Variants in CCSER1 observed in about 807,000 individuals in gnomAD.
The protein encoded by CCSER1 is coiled-coil serine rich protein 1, also known as serine-rich coiled-coil domain-containing protein 1.
CCSER1 carries 41 observed loss-of-function variants against 82.0 expected under a neutral mutation model. That is an observed-to-expected ratio of 0.50 (90% confidence interval 0.39 to 0.65). The LOEUF (loss-of-function observed/expected upper bound fraction) is 0.65, where lower values mean the gene tolerates loss of function less well. Among genes scored for constraint, CCSER1 ranks in the 30% least tolerant of loss-of-function variants. The pLI, the probability that CCSER1 is intolerant of heterozygous loss-of-function variation, is 0.00. For missense variants in CCSER1, 1,119 were observed against 1,064.2 expected, an observed-to-expected ratio of 1.05 and a Z score of -0.72; for synonymous variants, 414 against 383.9, an observed-to-expected ratio of 1.08 and a Z score of -0.92.
At chr4:90,945,329 T>C (rs1243525508) in intron 9 of CCSER1, among the ~76,000 whole-genome samples, 1 of 152,194 alleles carries the variant, frequency 6.6e-6, no homozygotes, top group Non-Finnish European at 1.5e-5. Flanking sequence ...CCTGATAGAA[T>C]AATAACACAT....
intron 9 of CCSER1, among the ~76,000 whole-genome samples, chr4:90,959,570 T>C (rs1472256895): frequency 2.0e-5 from 3 of 152,122 alleles, no homozygotes; most frequent in Admixed American, 6.6e-5. Context: ...TCTTATACCA[T>C]TTAATCCTAA....
rs55747744 is a variant in CCSER1, at chr4:91,173,593, C to CA, written c.2217+87625dup. Among the ~76,000 whole-genome samples, 675 of 104,612 alleles carry CA rather than the reference C, an allele frequency of 6.5e-3. 7 individuals carry two copies. The highest frequency in any genetic ancestry group is 0.014 in the East Asian group (50 of 3,534). The allele number at this position is 104,612 out of a possible 152,430, so 68.6% of individuals were successfully genotyped here. On this transcript the variant is annotated intron_variant, in intron 10 of 10. Transcript: ENST00000509176. ...TGGGCGACAGAGTGAGACTCCGTCT[C>CA]AAAAAAAAAAAAAAAAAAAAAAAAA...
At chr4:91,131,442 A>G (rs1727986998) in intron 10 of CCSER1, among the ~76,000 whole-genome samples, 1 of 151,744 alleles carries the variant, frequency 6.6e-6, no homozygotes, top group Admixed American at 6.6e-5. Context: ...CATTGCTTCA[A>G]TCAGGCTAAA....
chr4:91,058,831 T>C (rs567803522), intron 9 of CCSER1, among the ~76,000 whole-genome samples: 1 of 152,212 alleles, frequency 6.6e-6, no homozygotes, highest in South Asian at 2.1e-4. Context: ...ATATAGCTCT[T>C]ATGGAAGATC....
rs139505035 is a variant in CCSER1, at chr4:91,370,541, G to A, written c.2218-228031G>A. Among the ~76,000 whole-genome samples the A allele has an allele frequency of 2.4e-4, 37 of 151,748 alleles. No individual in the cohort carries two copies. In the East Asian group the frequency reaches 6.5e-3, roughly 27 times the overall value. On this transcript the variant is annotated intron_variant, in intron 10 of 10. Coordinates refer to ENST00000509176, the MANE Select transcript of CCSER1 (RefSeq NM_001145065.2). ...GAAACCCTGTCTCTACTAAAAATAT[G>A]AAAATTAGCCAGGCGTGGTAGCACA...
intron 10 of CCSER1, among the ~76,000 whole-genome samples, chr4:91,141,907 T>G (rs1010250594): frequency 6.6e-6 from 1 of 152,212 alleles, no homozygotes; most frequent in Admixed American, 6.5e-5. Context: ...GTTAGCTGCT[T>G]GCATGTCTTC....
At chr4:91,355,601 T>C (rs1486439283) in intron 10 of CCSER1, among the ~76,000 whole-genome samples, 1 of 152,212 alleles carries the variant, frequency 6.6e-6, no homozygotes, top group Non-Finnish European at 1.5e-5. Context: ...GTTCTCAGTC[T>C]GACGAAGGTT....
chr4:91,466,958 G>T (rs1229994833), intron 10 of CCSER1, among the ~76,000 whole-genome samples: 1 of 152,062 alleles, frequency 6.6e-6, no homozygotes, highest in Non-Finnish European at 1.5e-5. Context: ...CAATGCCATT[G>T]CCATCAAGCT....
intron 10 of CCSER1, among the ~76,000 whole-genome samples, chr4:91,174,518 A>C (rs1310830415): frequency 6.6e-6 from 1 of 152,142 alleles, no homozygotes; most frequent in Non-Finnish European, 1.5e-5. Flanking sequence ...ATAGGTATAC[A>C]TGTGCCATGG....
intron 10 of CCSER1, among the ~76,000 whole-genome samples, chr4:91,218,070 T>C (rs1737417280): frequency 6.6e-6 from 1 of 152,032 alleles, no homozygotes; most frequent in Non-Finnish European, 1.5e-5. Context: ...ATGGAGTGGG[T>C]GGGAGGCTCA....
chr4:91,398,517 T>C (rs1287146218), intron 10 of CCSER1, among the ~76,000 whole-genome samples: 1 of 151,830 alleles, frequency 6.6e-6, no homozygotes, highest in African/African-American at 2.4e-5. Context: ...TAATAAAAAA[T>C]AGATGAGACA....
intron 1 of CCSER1, among the ~76,000 whole-genome samples, chr4:90,223,119 C>G (rs1742469708): frequency 6.6e-6 from 1 of 152,144 alleles, no homozygotes; most frequent in African/African-American, 2.4e-5. Context: ...CTTCTGTTCC[C>G]CCATTCCTAA....
In CCSER1 at chr4:90,319,013, TAAG is replaced by T. The variant is rs535261938; in HGVS notation, c.1509+5971_1509+5973del. On this transcript the variant is annotated intron_variant, in intron 3 of 10. Transcript: ENST00000509176. ...GATTGTGAGCATCGAAATCCAAAGT[TAAG>T]AAGAGTTAAAATGGGCACATGAACT... Among the ~76,000 whole-genome samples the T allele has an allele frequency of 2.5e-3, 376 of 152,294 alleles. 2 individuals carry two copies. The highest frequency in any genetic ancestry group is 8.5e-3 in the African/African-American group (353 of 41,574).
intron 10 of CCSER1, among the ~76,000 whole-genome samples, chr4:91,241,653 G>A (rs968891374): frequency 6.6e-6 from 1 of 151,826 alleles, no homozygotes; most frequent in East Asian, 1.9e-4. Flanking sequence ...TATATATTTT[G>A]GTATAATTAC....
rs186865666 is a variant in CCSER1 at position 91,167,148 on chromosome 4, A to G, written c.2217+81154A>G. On this transcript the variant is annotated intron_variant, in intron 10 of 10. Coordinates refer to ENST00000509176, the MANE Select transcript of CCSER1 (RefSeq NM_001145065.2). Reference sequence around the variant, plus strand: ...TGTTTATTGTTTATCAGATTTGAATAAGTATAAAAATTAAATACATGACAA... The same window carrying G: ...TGTTTATTGTTTATCAGATTTGAATGAGTATAAAAATTAAATACATGACAA... Among the ~76,000 whole-genome samples, 4 of 151,678 alleles carry G rather than the reference A, an allele frequency of 2.6e-5. No individual in the cohort carries two copies. The East Asian group carries it at 7.7e-4, about 29-fold the overall frequency.
At chr4:91,103,388 C>G (rs149414939) in intron 10 of CCSER1, among the ~76,000 whole-genome samples, 9 of 152,034 alleles carry the variant, frequency 5.9e-5, no homozygotes, top group African/African-American at 2.2e-4. Flanking sequence ...TATATGTCAT[C>G]GGAACCTTTT....
At chr4:90,675,164 C>G (rs544737319) in intron 6 of CCSER1, among the ~76,000 whole-genome samples, 1 of 151,712 alleles carries the variant, frequency 6.6e-6, no homozygotes, top group Admixed American at 6.6e-5. Context: ...AAGACTGTGA[C>G]GAGGATAAAA....
rs111693683 is a variant in CCSER1 at position 90,348,334 on chromosome 4, T to C, written c.1509+35287T>C. Among the ~76,000 whole-genome samples, 301 of 152,362 alleles carry C rather than the reference T, an allele frequency of 2.0e-3. 1 individual carries two copies. Among genetic ancestry groups the C allele is most frequent in the African/African-American group, 6.3e-3 (262 of 41,598 alleles). On this transcript the variant is annotated intron_variant, in intron 3 of 10. Transcript: ENST00000509176. ...AGTTTTTCTACTCTCATAAAATATT[T>C]CAGTATTTTTGTTATGTGTACGTAT...
chr4:90,239,319 A>T (rs937421305), intron 1 of CCSER1, among the ~76,000 whole-genome samples: 1 of 152,204 alleles, frequency 6.6e-6, no homozygotes, highest in African/African-American at 2.4e-5. Context: ...CACTTCAGTG[A>T]TACTGAGACA....
Sources: allele counts gnomAD v4.1 joint callset (sites outside exome capture counted in the v4.1 genomes callset), GRCh38; gene constraint gnomAD v4.1.1; transcripts MANE v1.5; gene names NCBI Gene and HGNC (gene_info 2026-07-23, HGNC 2026-07-21).